PROSER3: variants seen among roughly 807,000 people sequenced by gnomAD.
The protein encoded by PROSER3 is proline and serine rich 3, also known as proline and serine-rich protein 3.
Under a neutral mutation model 50.2 loss-of-function variants are expected in PROSER3, and 33 were observed. The ratio of observed to expected loss-of-function variants is 0.66; its 90% CI spans 0.50 to 0.88. The LOEUF is 0.88. Ranked by LOEUF, PROSER3 falls within the 40% of genes least tolerant of loss-of-function variation. The pLI is 0.00. For synonymous variants in PROSER3, 266 were observed against 259.3 expected (o/e 1.03, Z -0.25); for missense variants, 623 against 612.7 (o/e 1.02, Z -0.18).
At chr19:35,761,398 G>A (rs1403134083) in intron 3 of PROSER3, among the ~76,000 whole-genome samples, 2 of 152,140 alleles carry the variant, frequency 1.3e-5, no homozygotes, top group Non-Finnish European at 2.9e-5. Context: ...TGGCAGGGCT[G>A]CAGTGGCTCA....
downstream of PROSER3, among the ~76,000 whole-genome samples, chr19:35,770,059 C>G (rs961852809): frequency 2.6e-5 from 4 of 152,140 alleles, no homozygotes; most frequent in African/African-American, 9.7e-5. Flanking sequence ...CGTGTGCCAC[C>G]ACGCCTGGCT....
intron 7 of PROSER3, among the ~76,000 whole-genome samples, chr19:35,765,545 A>G (rs1480928208): frequency 1.3e-5 from 2 of 151,842 alleles, no homozygotes; most frequent in African/African-American, 4.8e-5. Context: ...GCGCCATTGC[A>G]CTCCAGCTTG....
At chr19:35,765,281 C>A in intron 7 of PROSER3, 105 bp downstream of exon 7, 1 of 1,364,076 alleles carries the variant, frequency 7.3e-7, no homozygotes. Context: ...GTTTCTCCAG[C>A]TGTAAAACAG....
intron 10 of PROSER3, 32 bp from the exon 11 acceptor site, chr19:35,768,372 C>T (rs1287588067): frequency 6.3e-7 from 1 of 1,588,572 alleles, no homozygotes; most frequent in Admixed American, 1.7e-5. Flanking sequence ...TGAGCACATA[C>T]CCCAGCCTCT....
At chr19:35,766,920 T>C (rs1395202454) in exon 8 of PROSER3, 1 of 1,554,646 alleles carries the variant, frequency 6.4e-7, no homozygotes, top group South Asian at 1.2e-5. Flanking sequence ...TGACAGAGCT[T>C]GGGTGCCGCC....
At chr19:35,763,422 T>C (rs1971023220) in intron 5 of PROSER3, among the ~76,000 whole-genome samples, 1 of 151,486 alleles carries the variant, frequency 6.6e-6, no homozygotes, top group Non-Finnish European at 1.5e-5. Context: ...CCCAGGCTTG[T>C]CTCGAACTCC....
At chr19:35,759,938 G>C in exon 3 of PROSER3, 1 of 1,607,438 alleles carries the variant, frequency 6.2e-7, no homozygotes, top group African/African-American at 1.3e-5. Flanking sequence ...AGGGACAGAT[G>C]TGGGCCTCCC....
At chr19:35,765,271 G>A in intron 7 of PROSER3, 95 bp downstream of exon 7, 1 of 1,404,190 alleles carries the variant, frequency 7.1e-7, no homozygotes, top group Non-Finnish European at 9.6e-7. Context: ...TCTGGGCCTT[G>A]TTTCTCCAGC....
At chr19:35,763,649 G>A (rs1450801710) in intron 5 of PROSER3, among the ~76,000 whole-genome samples, 1 of 151,138 alleles carries the variant, frequency 6.6e-6, no homozygotes, top group Non-Finnish European at 1.5e-5. Flanking sequence ...GACTACAGGT[G>A]CCTGCCACCA....
rs1052945498 is a variant in PROSER3 at position 35,762,107 on chromosome 19, C to A, written c.400C>A (p.Gln134Lys). Residue 134 changes from glutamine (Q) to lysine (K), a missense_variant, in exon 4 of 11, where the codon CAG (glutamine) becomes AAG (lysine). This residue lies in a region of PROSER3 where 236 missense variants were observed against 243.6 expected (regional missense o/e 0.97). Transcript: ENST00000396908. ...AACCCCAGCTGACTTTTGGTGGCTG[C>A]AGTCTGACTCTCCAGACCCCAGCAG... 5.0e-6 allele frequency: 8 copies of A among 1,609,536 alleles called. No individual in the cohort carries two copies. Among genetic ancestry groups the A allele is most frequent in the Admixed American group, 3.3e-5 (2 of 59,834 alleles).
exon 11 of PROSER3, chr19:35,768,814 G>A (rs1487341164): frequency 3.3e-6 from 1 of 305,248 alleles, no homozygotes; most frequent in Non-Finnish European, 6.0e-6. Flanking sequence ...ACCTTATCTG[G>A]CTTCACTCAG....
At chr19:35,760,706 C>T (rs188599294) in intron 3 of PROSER3, among the ~76,000 whole-genome samples, 248 of 152,234 alleles carry the variant, frequency 1.6e-3, no homozygotes, top group Non-Finnish European at 2.6e-3. Context: ...AGGCTGGTCT[C>T]AAACTCCTGA....
At chr19:35,759,607 G>C (rs993968169) in intron 2 of PROSER3, 137 bp downstream of exon 2, 46 of 1,001,218 alleles carry the variant, frequency 4.6e-5, no homozygotes, top group Admixed American at 3.5e-4. Flanking sequence ...CCACGGCCCT[G>C]CCCTTGTCCC....
intron 2 of PROSER3, 139 bp from the exon 3 acceptor site, chr19:35,759,650 C>T: frequency 9.9e-7 from 1 of 1,010,296 alleles, no homozygotes; most frequent in Non-Finnish European, 1.5e-6. Flanking sequence ...CATCTGAGCC[C>T]CCATCACACT....
At chr19:35,758,577 C>T (rs1970847362) in intron 1 of PROSER3, 1 of 307,110 alleles carries the variant, frequency 3.3e-6, no homozygotes, top group African/African-American at 2.1e-5. Context: ...CCAGTGGATC[C>T]TGGGGCTTGT....
At chr19:35,760,055 GTAA>G in intron 3 of PROSER3, 64 bp downstream of exon 3, 1 of 1,404,992 alleles carries the variant, frequency 7.1e-7, no homozygotes. Flanking sequence ...AAGGCATGCA[GTAA>G]TAATCATCAT....
chr19:35,767,342 C>T (rs1478910108), intron 8 of PROSER3: 7 of 271,560 alleles, frequency 2.6e-5, no homozygotes, highest in Non-Finnish European at 4.9e-5. Context: ...TACCCTCGCG[C>T]CCCCGGCTTC....
chr19:35,760,494 TTTG>T (rs1970922721), intron 3 of PROSER3, among the ~76,000 whole-genome samples: 1 of 152,152 alleles, frequency 6.6e-6, no homozygotes, highest in Admixed American at 6.6e-5. Flanking sequence ...TGTTTTTGTT[TTTG>T]TTTTTTTGAT....
At chr19:35,768,525 C>G (rs1422565246) in exon 11 of PROSER3, 1 of 1,596,702 alleles carries the variant, frequency 6.3e-7, no homozygotes, top group South Asian at 1.1e-5. Flanking sequence ...AGGAGATTCC[C>G]TGGAGGCCAG....
Sources: allele counts gnomAD v4.1 joint callset (sites outside exome capture counted in the v4.1 genomes callset), GRCh38; gene constraint gnomAD v4.1.1; regional missense constraint gnomAD v4.1.1; transcripts MANE v1.5; gene names NCBI Gene and HGNC (gene_info 2026-07-23, HGNC 2026-07-21).